The following CFAP20DC variants were observed in gnomAD, a reference collection of about 807,000 sequenced individuals.
CFAP20DC encodes CFAP20 domain containing.
CFAP20DC carries 84 observed loss-of-function variants against 101.7 expected under a neutral mutation model. That is an observed-to-expected ratio of 0.83 (90% CI 0.69 to 0.99). The LOEUF (loss-of-function observed/expected upper bound fraction) is 0.99. Ranked by LOEUF, CFAP20DC falls within the 50% of genes least tolerant of loss-of-function variation. CFAP20DC has a pLI of 0.00. For missense variants in CFAP20DC, 1,007 were observed against 970.3 expected (o/e 1.04, Z -0.50); for synonymous variants, 359 against 351.2 (o/e 1.02, Z -0.25).
At chr3:58,974,549 G>C (rs1487514398) in intron 4 of CFAP20DC, among the ~76,000 whole-genome samples, 1 of 152,072 alleles carries the variant, frequency 6.6e-6, no homozygotes, top group Non-Finnish European at 1.5e-5. Context: ...GAATGATCCT[G>C]TATGGCAGAT....
chr3:58,770,731 G>C (rs1372627688), intron 15 of CFAP20DC, among the ~76,000 whole-genome samples: 1 of 152,164 alleles, frequency 6.6e-6, no homozygotes, highest in Non-Finnish European at 1.5e-5. Flanking sequence ...AGGCGCTGGG[G>C]ACCTACTGAA....
In CFAP20DC at chr3:58,913,441, T is replaced by A; in HGVS notation, c.550+267A>T. On this transcript the variant is annotated intron_variant, in intron 6 of 16. Transcript: ENST00000482387. The surrounding 1 kb of genome is among the most constrained non-coding windows in gnomAD (Gnocchi z 4.4). The stretch of plus-strand genomic sequence containing the variant: ...TAAAGAGGATTATGTTGTTTGTAAC[T>A]AAGGAGCCTAAGACAGATAGCAAGT... 1.7e-6 allele frequency: 1 copy of A among 583,828 alleles called. No individual in the cohort carries two copies. The highest frequency in any genetic ancestry group is 3.0e-6 in the Non-Finnish European group (1 of 331,430). The allele number at this position is 583,828 out of a possible 1,614,324, so 36.2% of individuals were successfully genotyped here. A position where few individuals can be genotyped will look rare whatever the true frequency, so the allele number is the denominator to read the frequency against.
At chr3:59,026,743 A>G (rs1452182282) in intron 4 of CFAP20DC, among the ~76,000 whole-genome samples, 5 of 152,214 alleles carry the variant, frequency 3.3e-5, no homozygotes, top group African/African-American at 1.2e-4. Context: ...AAGGAAAGGT[A>G]GGAGCAAAAT....
At position 58,809,466 on chromosome 3, in the gene CFAP20DC, G is replaced by A. The variant is rs535033544; in HGVS notation, c.2176-3010C>T. ...CCTGAATGACTACTGGGTACATAAC[G>A]AAATGAAGGCAGAAATAAAGATGTT... On this transcript the variant is annotated intron_variant, in intron 14 of 16. Transcript: ENST00000482387. Among the ~76,000 whole-genome samples, 111 of 152,132 alleles carry A rather than the reference G, an allele frequency of 7.3e-4. 1 individual carries two copies. The South Asian group carries it at 0.01, about 14-fold the overall frequency.
chr3:59,049,547 A>G (rs752827157), intron 1 of CFAP20DC, 64 bp downstream of exon 1: 7 of 1,449,948 alleles, frequency 4.8e-6, no homozygotes, highest in Middle Eastern at 1.7e-4. Flanking sequence ...CCTCACCCCG[A>G]TCACGGACTA....
intron 16 of CFAP20DC, 80 bp from the exon 17 acceptor site, chr3:58,742,652 C>T: frequency 7.2e-6 from 7 of 968,068 alleles, no homozygotes; most frequent in Non-Finnish European, 1.1e-5. Flanking sequence ...AAGCAGGAAT[C>T]ACCATCTCTC....
chr3:58,809,384 C>A (rs1575705640), intron 14 of CFAP20DC, among the ~76,000 whole-genome samples: 1 of 152,152 alleles, frequency 6.6e-6, no homozygotes, highest in East Asian at 1.9e-4. Context: ...AACTAGAACT[C>A]AGGATTAAGA....
intron 15 of CFAP20DC, among the ~76,000 whole-genome samples, chr3:58,761,902 C>T (rs561672516): frequency 3.0e-3 from 459 of 152,112 alleles, no homozygotes; most frequent in Middle Eastern, 0.01. Flanking sequence ...GTCTGAGAGA[C>T]AGTTTGTTAT....
chr3:59,048,619 C>G (rs578118029), intron 1 of CFAP20DC, among the ~76,000 whole-genome samples: 33 of 152,154 alleles, frequency 2.2e-4, no homozygotes, highest in African/African-American at 7.5e-4. Context: ...AGTGTTCTAG[C>G]CCAATTAGTG....
At chr3:58,844,783 G>A (rs1361444278) in intron 13 of CFAP20DC, among the ~76,000 whole-genome samples, 2 of 133,192 alleles carry the variant, frequency 1.5e-5, no homozygotes, top group African/African-American at 3.4e-5. Flanking sequence ...CTCAGCAAAT[G>A]TAAAAGAACA....
rs1219206355 is a variant in CFAP20DC, at chr3:58,978,334, CAA to C, written c.279-40574_279-40573del. ...AGGCTTTTCCTTGTCTATATTTTCT[CAA>C]GATTGCAAATCTCTACGAAAAGCAA... On this transcript the variant is annotated intron_variant, in intron 4 of 16. Transcript: ENST00000482387. Among the ~76,000 whole-genome samples, 3 of 152,162 alleles carry C rather than the reference CAA, an allele frequency of 2.0e-5. No individual in the cohort carries two copies. In the East Asian group the frequency reaches 5.8e-4, roughly 29 times the overall value.
chr3:58,868,381 TACGA>T lies in CFAP20DC; in HGVS notation c.1016-449_1016-446del, dbSNP rs1326012774. Among the ~76,000 whole-genome samples, 1 of 152,110 alleles carries T rather than the reference TACGA, an allele frequency of 6.6e-6. No homozygotes were observed. The highest frequency in any genetic ancestry group is 1.9e-4 in the East Asian group (1 of 5,200). On this transcript the variant is annotated intron_variant, in intron 9 of 16. Transcript: ENST00000482387. The surrounding 1 kb of genome is among the most constrained non-coding windows in gnomAD (Gnocchi z 4.6). ...GTCAAGCTGAAGAAGAACTTCTAAG[TACGA>T]TTTAATTTAGCAATAATAATAATCA...
intron 15 of CFAP20DC, among the ~76,000 whole-genome samples, chr3:58,758,894 T>C (rs1391662641): frequency 2.0e-5 from 3 of 152,266 alleles, no homozygotes; most frequent in African/African-American, 7.2e-5. Context: ...TGCATAGTAT[T>C]CCATGGTGTA....
At chr3:58,848,085 T>C (rs2077872821) in intron 13 of CFAP20DC, among the ~76,000 whole-genome samples, 3 of 141,346 alleles carry the variant, frequency 2.1e-5, no homozygotes, top group Admixed American at 1.4e-4. Context: ...AGTTAGTGGG[T>C]GCAGTGCACC....
chr3:58,808,968 AGGCCATTAC>A (rs1205425355), intron 14 of CFAP20DC, among the ~76,000 whole-genome samples: 4 of 152,088 alleles, frequency 2.6e-5, no homozygotes, highest in Non-Finnish European at 1.5e-5. Flanking sequence ...GAGACAAAGA[AGGCCATTAC>A]ATAATGGTAA....
intron 4 of CFAP20DC, among the ~76,000 whole-genome samples, chr3:58,980,331 G>C (rs1000623826): frequency 1.3e-5 from 2 of 152,242 alleles, no homozygotes; most frequent in East Asian, 3.9e-4. Flanking sequence ...CAGAAAAAGA[G>C]GGAATCCTCC....
rs2067511181 is a variant in CFAP20DC at position 58,724,009 on chromosome 3, T to C, written c.198-6381A>G. 6.6e-6 allele frequency among the ~76,000 whole-genome samples: 1 copy of C among 152,232 alleles called. No homozygotes were observed. The highest frequency in any genetic ancestry group is 1.5e-5 in the Non-Finnish European group (1 of 68,042). On this transcript the variant is annotated intron_variant, in intron 3 of 3. Coordinates refer to the CFAP20DC transcript ENST00000486145. The surrounding 1 kb of genome is among the most constrained non-coding windows in gnomAD (Gnocchi z 5.6). ...GGATAGAGGACAAACATTCATTCGC[T>C]GGTCTCTGTTCTTGGGGAAGTAACA... is the stretch of plus-strand genomic sequence containing the variant.
chr3:58,812,427 T>C (rs1177928252), intron 14 of CFAP20DC, among the ~76,000 whole-genome samples: 1 of 151,950 alleles, frequency 6.6e-6, no homozygotes, highest in Non-Finnish European at 1.5e-5. Flanking sequence ...AAATTGGAAA[T>C]CATCATTCTC....
At chr3:58,756,225 C>T (rs1248881015) in intron 15 of CFAP20DC, among the ~76,000 whole-genome samples, 2 of 152,050 alleles carry the variant, frequency 1.3e-5, no homozygotes. Context: ...TTGTAACCCC[C>T]CTCTGACAGT....
Sources: gnomAD v4.1 joint callset for allele counts (sites outside exome capture counted in the v4.1 genomes callset) on GRCh38, gnomAD v4.1.1 for gene constraint, Gnocchi (gnomAD v3.1) non-coding constraint, MANE v1.5 for transcripts, NCBI Gene and HGNC (gene_info 2026-07-23, HGNC 2026-07-21) for gene names.